NFIA: variants seen among roughly 807,000 people sequenced by gnomAD.
NFIA encodes nuclear factor 1 A-type.
NFIA carries 8 observed loss-of-function variants against 62.8 expected under a neutral mutation model. The ratio of observed to expected loss-of-function variants is 0.13; its 90% confidence interval spans 0.07 to 0.23. The LOEUF (loss-of-function observed/expected upper bound fraction) is 0.23. Ranked by LOEUF, NFIA falls within the 10% of genes least tolerant of loss-of-function variation. NFIA has a pLI of 1.00. For synonymous variants in NFIA, 235 were observed against 238.1 expected, an observed-to-expected ratio of 0.99 and a Z score of 0.12; for missense variants, 410 against 642.1, an observed-to-expected ratio of 0.64 and a Z score of 3.91.
intron 2 of NFIA, among the ~76,000 whole-genome samples, chr1:61,182,875 T>C (rs865777514): frequency 3.9e-5 from 6 of 152,238 alleles, no homozygotes; most frequent in South Asian, 2.1e-4. Flanking sequence ...TTATTACTTA[T>C]GATTGTAGTC....
intron 5 of NFIA, among the ~76,000 whole-genome samples, chr1:61,357,360 C>T (rs1663017293): frequency 2.0e-5 from 3 of 152,180 alleles, no homozygotes; most frequent in Admixed American, 2.0e-4. Flanking sequence ...AGATTTCGGA[C>T]TGTGAGGGTG....
intron 3 of NFIA, among the ~76,000 whole-genome samples, chr1:61,312,150 T>C (rs1660152769): frequency 6.6e-6 from 1 of 152,222 alleles, no homozygotes; most frequent in Admixed American, 6.5e-5. Context: ...TATATGCCTG[T>C]AATGATAAGC....
intron 6 of NFIA, among the ~76,000 whole-genome samples, chr1:61,371,075 A>G (rs1663859924): frequency 6.6e-6 from 1 of 152,280 alleles, no homozygotes; most frequent in Non-Finnish European, 1.5e-5. Context: ...GCCAGTCAGA[A>G]TTTGCCATCT....
At chr1:61,237,812 C>G (rs1655095738) in intron 2 of NFIA, among the ~76,000 whole-genome samples, 1 of 152,190 alleles carries the variant, frequency 6.6e-6, no homozygotes, top group African/African-American at 2.4e-5. Context: ...CAGTACTCAT[C>G]TACCTAGTAA....
chr1:61,192,047 C>T (rs1030083793), intron 2 of NFIA, among the ~76,000 whole-genome samples: 3 of 146,576 alleles, frequency 2.0e-5, no homozygotes, highest in Non-Finnish European at 4.5e-5. Flanking sequence ...GCAACCTCCA[C>T]CTCCCGGGTT....
At chr1:61,387,679 C>T (rs1468859398) in intron 7 of NFIA, among the ~76,000 whole-genome samples, 1 of 152,166 alleles carries the variant, frequency 6.6e-6, no homozygotes, top group African/African-American at 2.4e-5. Context: ...GGAAGGATCT[C>T]TAACTTAGAC....
chr1:61,283,581 C>CAAGAAAAAAAAAAAAAA (rs1658275569), intron 3 of NFIA, among the ~76,000 whole-genome samples: 1 of 36,680 alleles, frequency 2.7e-5, no homozygotes. Flanking sequence ...GACTCTGTCT[C>CAAGAAAAAAAAAAAAAA]AAAAAAAAAA....
At chr1:61,148,838 A>G (rs1418971499) in intron 2 of NFIA, among the ~76,000 whole-genome samples, 2 of 152,188 alleles carry the variant, frequency 1.3e-5, no homozygotes, top group Admixed American at 6.5e-5. Context: ...TAAACAGGCA[A>G]AAAGAAGTTG....
chr1:61,160,003 T>C (rs1243857006), intron 2 of NFIA, among the ~76,000 whole-genome samples: 1 of 152,110 alleles, frequency 6.6e-6, no homozygotes, highest in Non-Finnish European at 1.5e-5. Flanking sequence ...TTTTAAAGTG[T>C]CAAATAAGCA....
At chr1:61,100,572 A>T (rs1362811982) in intron 2 of NFIA, among the ~76,000 whole-genome samples, 2 of 152,178 alleles carry the variant, frequency 1.3e-5, no homozygotes, top group Non-Finnish European at 2.9e-5. Flanking sequence ...TGAAGTTTTT[A>T]AAACACTTAT....
rs1668546871 is a variant in NFIA at position 61,461,955 on chromosome 1, CTTAT to C, written c.*6638_*6641del. ...AAAAAAGCTTTTATTTTTCCTTTGACTTATTTGTGTTGTTCTTATTTTTTAAATT... is the reference window on the plus strand; with the variant it reads ...AAAAAAGCTTTTATTTTTCCTTTGACTTGTGTTGTTCTTATTTTTTAAATT... On this transcript the variant is annotated 3_prime_UTR_variant, in exon 11 of 11. Coordinates refer to ENST00000403491, the MANE Select transcript of NFIA (RefSeq NM_001134673.4). 7.3e-6 allele frequency: 1 copy of C among 137,008 alleles called. No individual in the cohort carries two copies. Among genetic ancestry groups the C allele is most frequent in the African/African-American group, 2.8e-5 (1 of 35,666 alleles). The allele number at this position is 137,008 out of a possible 1,614,324, so 8.5% of individuals were successfully genotyped here. A position where few individuals can be genotyped will look rare whatever the true frequency, so the allele number is the denominator to read the frequency against.
chr1:61,117,619 A>G (rs528449390), intron 2 of NFIA, among the ~76,000 whole-genome samples: 3 of 152,142 alleles, frequency 2.0e-5, no homozygotes, highest in African/African-American at 7.2e-5. Flanking sequence ...GTGTTTTACT[A>G]TTACTTGGCA....
intron 6 of NFIA, among the ~76,000 whole-genome samples, chr1:61,369,589 T>A (rs1304541005): frequency 6.6e-6 from 1 of 152,156 alleles, no homozygotes; most frequent in African/African-American, 2.4e-5. Flanking sequence ...ACTTCCTGCG[T>A]TCTATCATAT....
intron 3 of NFIA, among the ~76,000 whole-genome samples, chr1:61,293,064 G>T (rs1474718483): frequency 2.0e-5 from 3 of 152,156 alleles, no homozygotes; most frequent in African/African-American, 7.2e-5. Context: ...GGGCACTTCA[G>T]TAAAGTCTCA....
intron 3 of NFIA, among the ~76,000 whole-genome samples, chr1:61,283,539 A>G (rs992786122): frequency 1.4e-4 from 19 of 135,016 alleles, no homozygotes; most frequent in Non-Finnish European, 4.6e-5. Flanking sequence ...CTGAGATCAC[A>G]CCACTGCACT....
At chr1:61,182,709 G>A (rs1650837907) in intron 2 of NFIA, among the ~76,000 whole-genome samples, 1 of 152,110 alleles carries the variant, frequency 6.6e-6, no homozygotes, top group African/African-American at 2.4e-5. Context: ...CTTAAAATAA[G>A]TTCTTCTCTT....
chr1:61,255,073 G>A (rs767920179), intron 2 of NFIA, among the ~76,000 whole-genome samples: 9 of 152,132 alleles, frequency 5.9e-5, no homozygotes, highest in Non-Finnish European at 1.0e-4. Context: ...AGATCCCAGG[G>A]GAAGTACAGG....
intron 2 of NFIA, among the ~76,000 whole-genome samples, chr1:61,231,328 T>C (rs1654658261): frequency 1.3e-5 from 2 of 152,216 alleles, no homozygotes; most frequent in African/African-American, 2.4e-5. Context: ...GTTTGACCAA[T>C]GTTTAATGGT....
intron 9 of NFIA, among the ~76,000 whole-genome samples, chr1:61,420,897 C>G (rs1343246760): frequency 6.6e-6 from 1 of 152,196 alleles, no homozygotes; most frequent in East Asian, 1.9e-4. Flanking sequence ...CCGTCATTTT[C>G]AAACATTTAG....
Sources: gnomAD v4.1 joint callset for allele counts (sites outside exome capture counted in the v4.1 genomes callset) on GRCh38, gnomAD v4.1.1 for gene constraint, MANE v1.5 for transcripts, NCBI Gene and HGNC (gene_info 2026-07-23, HGNC 2026-07-21) for gene names.